The following TEP1 variants were observed in gnomAD, a reference collection of about 807,000 sequenced individuals.
TEP1 encodes the protein telomerase associated protein 1, also known as telomerase protein component 1.
Under a neutral mutation model 306.3 loss-of-function variants are expected in TEP1, and 241 were observed. That is an observed-to-expected ratio of 0.79 (90% CI 0.71 to 0.88). The LOEUF is 0.88. Ranked by LOEUF, TEP1 falls within the 40% of genes least tolerant of loss-of-function variation. The pLI, the probability that TEP1 is intolerant of heterozygous loss-of-function variation, is 0.00. For synonymous variants in TEP1, 1,289 were observed against 1,305.5 expected, an observed-to-expected ratio of 0.99 and a Z score of 0.27; for missense variants, 3,051 against 3,276.1, an observed-to-expected ratio of 0.93 and a Z score of 1.68.
intron 47 of TEP1, 43 bp from the exon 48 acceptor site, chr14:20,373,190 C>T (rs1884959360): frequency 6.2e-7 from 1 of 1,613,588 alleles, no homozygotes; most frequent in Admixed American, 1.7e-5. Flanking sequence ...TGGGATACTG[C>T]TGGGATAAGA....
chr14:20,380,565 G>C, intron 33 of TEP1, 90 bp from the exon 34 acceptor site: 2 of 1,320,812 alleles, frequency 1.5e-6, no homozygotes, highest in Non-Finnish European at 2.0e-6. Flanking sequence ...GTCTACAATA[G>C]TAAGTCTCAA....
intron 18 of TEP1, among the ~76,000 whole-genome samples, chr14:20,386,879 G>A (rs940211234): frequency 1.3e-5 from 2 of 151,800 alleles, no homozygotes; most frequent in Admixed American, 6.6e-5. Context: ...GCTTGTTCAT[G>A]ACAGCACTGT....
rs567343304 is a variant in TEP1 at position 20,407,693 on chromosome 14, A to G, written c.567+180T>C. Among the ~76,000 whole-genome samples, 19 of 152,356 alleles carry G rather than the reference A, an allele frequency of 1.2e-4. No homozygotes were observed. In the South Asian group the frequency reaches 3.1e-3, roughly 25 times the overall value. On this transcript the variant is annotated intron_variant, in intron 2 of 54. Coordinates refer to ENST00000262715, the MANE Select transcript of TEP1 (RefSeq NM_007110.5). Reference sequence around the variant, plus strand: ...CACAATATCTCCAATGTAGATATGCAATAAAAGTAATGATGCCAGTGAAGA... The same window carrying G: ...CACAATATCTCCAATGTAGATATGCGATAAAAGTAATGATGCCAGTGAAGA...
At chr14:20,394,152 C>T (rs1365458477) in intron 12 of TEP1, among the ~76,000 whole-genome samples, 3 of 152,102 alleles carry the variant, frequency 2.0e-5, no homozygotes, top group African/African-American at 7.2e-5. Flanking sequence ...TCATAGCTCA[C>T]TGCAGCCTCA....
At chr14:20,409,093 C>T (rs1312700895) in intron 1 of TEP1, among the ~76,000 whole-genome samples, 2 of 152,142 alleles carry the variant, frequency 1.3e-5, no homozygotes, top group Admixed American at 1.3e-4. Context: ...GGGATTCTGT[C>T]CCCACCAGTC....
chr14:20,381,271 C>T lies in TEP1; in HGVS notation c.4647+42G>A, dbSNP rs766972375. 1.3e-6 allele frequency: 2 copies of T among 1,581,830 alleles called. No individual in the cohort carries two copies. Among genetic ancestry groups the T allele is most frequent in the Non-Finnish European group, 1.7e-6 (2 of 1,150,696 alleles). On this transcript the variant is annotated intron_variant, in intron 32 of 54. Coordinates refer to ENST00000262715, the MANE Select transcript of TEP1 (RefSeq NM_007110.5). The surrounding 1 kb of genome is among the most constrained non-coding windows in gnomAD (Gnocchi z 4.0). ...GAGAGGGGTCTCAGAGCAACCAAAG[C>T]ACTCACTTTGGGAAAGGTGTCTATG... is the stretch of plus-strand genomic sequence containing the variant.
Position 20,391,635 on chromosome 14 carries a change from A to G in TEP1, c.2061T>C (p.Asn687=). Residue 687 remains asparagine, a synonymous_variant, in exon 13 of 55, where the codon AAT becomes AAC. Transcript: ENST00000262715. Reference sequence around the variant, plus strand: ...TGCTCTTTGGACAGAGCCTGTCTGCATTAGCATCTGTCAGATAGACCAAGA... The same window carrying G: ...TGCTCTTTGGACAGAGCCTGTCTGCGTTAGCATCTGTCAGATAGACCAAGA... ...RTVLVYLTDA[N]ADRLCPKSNP... is the part of the protein sequence containing the mutation. 1.2e-6 allele frequency: 2 copies of G among 1,614,158 alleles called. No individual in the cohort carries two copies. Among genetic ancestry groups the G allele is most frequent in the Admixed American group, 1.7e-5 (1 of 60,026 alleles).
chr14:20,371,961 T>C (rs1566438784), intron 49 of TEP1, among the ~76,000 whole-genome samples: 2 of 152,158 alleles, frequency 1.3e-5, no homozygotes, highest in Non-Finnish European at 2.9e-5. Flanking sequence ...AGGCCCACAT[T>C]ACGTCTTTCC....
intron 9 of TEP1, among the ~76,000 whole-genome samples, chr14:20,399,871 T>C (rs1259197831): frequency 6.6e-6 from 1 of 151,906 alleles, no homozygotes; most frequent in Non-Finnish European, 1.5e-5. Flanking sequence ...TATAGAATTA[T>C]CTTCATATGG....
intron 15 of TEP1, among the ~76,000 whole-genome samples, chr14:20,390,341 A>T (rs866819208): frequency 6.6e-6 from 1 of 152,230 alleles, no homozygotes; most frequent in East Asian, 1.9e-4. Context: ...TACATCTACT[A>T]TATCAGGAGT....
At chr14:20,395,023 TAC>T (rs1292878436) in intron 12 of TEP1, among the ~76,000 whole-genome samples, 1 of 151,124 alleles carries the variant, frequency 6.6e-6, no homozygotes, top group African/African-American at 2.4e-5. Context: ...TATTTCAAAA[TAC>T]ACACACACAC....
chr14:20,403,409 A>G lies in TEP1; in HGVS notation c.1234T>C (p.Tyr412His), dbSNP rs2139182626. ...PPFSHRCFPR[Y>H]IGFLREEQRK... Reference sequence around the variant, plus strand: ...TGCTCTTCTCTGAGAAACCCTATGTACCTTGGAAAACATCTGTGAGAAAAT... The same window carrying G: ...TGCTCTTCTCTGAGAAACCCTATGTGCCTTGGAAAACATCTGTGAGAAAAT... Residue 412 changes from tyrosine to histidine, a missense_variant, in exon 7 of 55, where the codon TAC becomes CAC. Tyr to His is a moderately conservative substitution (Grantham distance 83, BLOSUM62 2). Coordinates refer to ENST00000262715, the MANE Select transcript of TEP1 (RefSeq NM_007110.5). 1 of 1,614,186 alleles carries G rather than the reference A, an allele frequency of 6.2e-7. No individual in the cohort carries two copies. The highest frequency in any genetic ancestry group is 8.5e-7 in the Non-Finnish European group (1 of 1,180,022).
intron 1 of TEP1, among the ~76,000 whole-genome samples, chr14:20,409,696 G>C (rs1202664310): frequency 1.3e-5 from 2 of 152,042 alleles, no homozygotes; most frequent in Non-Finnish European, 2.9e-5. Flanking sequence ...TAAATTCTCT[G>C]TGTCTCTAGG....
Position 20,408,018 on chromosome 14 carries a change from A to G in TEP1, c.422T>C (p.Leu141Ser), listed in dbSNP as rs375095317. The change falls in exon 2 of 55, where the codon TTG becomes TCG. Residue 141 changes from leucine (L) to serine (S), a missense_variant. Leu to Ser is a moderately radical substitution (Grantham distance 145). Around this residue, in one of 3 missense-constraint regions of TEP1, gnomAD observed 1,507 missense variants for 1,550.5 expected, o/e 0.97. Transcript: ENST00000262715. ...GCAATTGCTGTTGTTCACACGGTAC[A>G]AATCAGCTTGCGTCATGTGAGATAT... ...LQISHMTQAD[L>S]YRVNNSNCLL... is the part of the protein sequence containing the mutation. The G allele has an allele frequency of 6.2e-7, 1 of 1,614,072 alleles. No individual in the cohort carries two copies. The highest frequency in any genetic ancestry group is 8.5e-7 in the Non-Finnish European group (1 of 1,180,040).
At chr14:20,384,345 C>T (rs777016119) in intron 23 of TEP1, 46 bp downstream of exon 23, 18 of 1,612,462 alleles carry the variant, frequency 1.1e-5, no homozygotes, top group East Asian at 2.2e-5. Flanking sequence ...ACCCAGACCA[C>T]CCCATGTCCC....
chr14:20,396,164 C>A (rs938494134), intron 10 of TEP1, among the ~76,000 whole-genome samples: 1 of 152,164 alleles, frequency 6.6e-6, no homozygotes, highest in Admixed American at 6.5e-5. Flanking sequence ...GAAGGAGCCC[C>A]GTTTCTTTTA....
rs1245149142 is a variant in TEP1, at chr14:20,403,854, C to G, written c.1063G>C (p.Val355Leu). 66 of 1,613,986 alleles carry G rather than the reference C, an allele frequency of 4.1e-5. No individual in the cohort carries two copies. The highest frequency in any genetic ancestry group is 5.3e-5 in the Non-Finnish European group (62 of 1,180,040). Reference sequence around the variant, plus strand: ...GTACGGAGACAGGCGGGCAGGGGCACCAGCTTATTCTTATCTCCCTCAGCC... The same window carrying G: ...GTACGGAGACAGGCGGGCAGGGGCAGCAGCTTATTCTTATCTCCCTCAGCC... ...SLAEGDKNKL[V>L]PLPACLRTAM... Residue 355 changes from valine (V) to leucine (L), a missense_variant, in exon 6 of 55, where the codon GTG becomes CTG. Val to Leu is a conservative substitution (Grantham distance 32). Around this residue, in one of 3 missense-constraint regions of TEP1, gnomAD observed 1,507 missense variants for 1,550.5 expected, o/e 0.97. Transcript: ENST00000262715.
intron 18 of TEP1, 134 bp downstream of exon 18, chr14:20,387,771 G>C (rs184674859): frequency 6.3e-6 from 7 of 1,105,038 alleles, no homozygotes; most frequent in Non-Finnish European, 8.8e-6. Flanking sequence ...AGAAACCTCC[G>C]CCTGAGAAAG....
intron 16 of TEP1, 145 bp from the exon 17 acceptor site, chr14:20,389,442 G>A (rs1877510692): frequency 2.8e-6 from 4 of 1,408,842 alleles, no homozygotes; most frequent in Non-Finnish European, 4.0e-6. Context: ...GACTCTCACA[G>A]AGGGGTACAG....
Sources: gnomAD v4.1 joint callset for allele counts (sites outside exome capture counted in the v4.1 genomes callset) on GRCh38, gnomAD v4.1.1 for gene constraint, gnomAD v4.1.1 regional missense constraint, Gnocchi (gnomAD v3.1) non-coding constraint, MANE v1.5 for transcripts, NCBI Gene and HGNC (gene_info 2026-07-23, HGNC 2026-07-21) for gene names.